The following MPP2 variants were observed in gnomAD, a reference collection of about 807,000 sequenced individuals.
MPP2 encodes MAGUK p55 subfamily member 2.
A neutral mutation model predicts 58.5 loss-of-function variants in MPP2; 42 were observed. The observed-to-expected ratio is 0.72, with a 90% confidence interval of 0.56 to 0.93. The LOEUF (loss-of-function observed/expected upper bound fraction) is 0.93, where lower values mean the gene tolerates loss of function less well. Ranked by LOEUF, MPP2 falls within the 40% of genes least tolerant of loss-of-function variation. The pLI is 0.00. For synonymous variants in MPP2, 300 were observed against 307.8 expected (o/e 0.97, Z 0.26); for missense variants, 632 against 760.4 (o/e 0.83, Z 1.99).
rs1439706969 is a variant in MPP2 at position 43,880,471 on chromosome 17, G to C, written c.1150+220C>G. On this transcript the variant is annotated intron_variant, in intron 10 of 12. Coordinates refer to ENST00000269095, the MANE Select transcript of MPP2 (RefSeq NM_005374.5). The surrounding 1 kb of genome is among the most constrained non-coding windows in gnomAD (Gnocchi z 5.2). ...AACAAGAGAAGGAAAGTGGACGCCAGCCCAGCCCGCTAGGCCACCTGTTGG... is the reference window on the plus strand; with the variant it reads ...AACAAGAGAAGGAAAGTGGACGCCACCCCAGCCCGCTAGGCCACCTGTTGG... Among the ~76,000 whole-genome samples the C allele has an allele frequency of 6.6e-6, 1 of 152,240 alleles. No individual in the cohort carries two copies. The highest frequency in any genetic ancestry group is 1.5e-5 in the Non-Finnish European group (1 of 68,036).
chr17:43,900,642 C>T lies in MPP2; in HGVS notation c.32-2262G>A, dbSNP rs2048056588. ...CAAAGCCTGGCCGGGCTGGGGAAGGCGGGAGTCGAGGAGCGCCCTCTGAGG... is the reference window on the plus strand; with the variant it reads ...CAAAGCCTGGCCGGGCTGGGGAAGGTGGGAGTCGAGGAGCGCCCTCTGAGG... On this transcript the variant is annotated intron_variant, in intron 2 of 12. Transcript: ENST00000269095. 8.3e-6 allele frequency: 12 copies of T among 1,439,428 alleles called. 1 individual carries two copies. The Admixed American group carries it at 1.7e-4, about 20-fold the overall frequency. 89.2% of individuals were successfully genotyped at this position (1,439,428 alleles called of 1,614,324 possible).
Position 43,904,475 on chromosome 17 carries a change from G to A in MPP2, c.-15C>T, listed in dbSNP as rs146406851. ...GCAACCGGCATGGTGAAGGAGGCAA[G>A]GGCTCTGAAACGTCTCTCCTGGAGA... On this transcript the variant is annotated 5_prime_UTR_variant, in exon 2 of 13. Transcript: ENST00000269095. The A allele has an allele frequency of 0.011, 17,883 of 1,613,946 alleles. 115 individuals carry two copies. The highest frequency in any genetic ancestry group is 0.017 in the Middle Eastern group (105 of 6,062).
At chr17:43,885,069 C>T (rs959457814) in intron 3 of MPP2, among the ~76,000 whole-genome samples, 4 of 150,962 alleles carry the variant, frequency 2.6e-5, no homozygotes, top group African/African-American at 9.8e-5. Context: ...TTGCAATGAG[C>T]CGAGATCATG....
chr17:43,880,760 C>A lies in MPP2; in HGVS notation c.1081G>T (p.Val361Leu). Residue 361 changes from valine (V) to leucine (L), a missense_variant, in exon 10 of 13, where the codon GTG (valine) becomes TTG (leucine). Physicochemically the swap from Val to Leu is conservative, Grantham distance 32 (BLOSUM62 1). Coordinates refer to ENST00000269095, the MANE Select transcript of MPP2 (RefSeq NM_005374.5). The surrounding 1 kb of genome is among the most constrained non-coding windows in gnomAD (Gnocchi z 5.2). ...KTLVLIGAQG[V>L]GRRSLKNKLI... ...TTGTTCTTCAGGCTGCGCCGTCCCACGCCCTGAGCCCCAATCAGTACCAGG... is the reference window on the plus strand; with the variant it reads ...TTGTTCTTCAGGCTGCGCCGTCCCAAGCCCTGAGCCCCAATCAGTACCAGG... 2 of 1,614,048 alleles carry A rather than the reference C, an allele frequency of 1.2e-6. No individual in the cohort carries two copies. The highest frequency in any genetic ancestry group is 1.7e-6 in the Non-Finnish European group (2 of 1,179,938).
chr17:43,878,332 A>C (rs2046939324), intron 12 of MPP2, among the ~76,000 whole-genome samples: 1 of 152,242 alleles, frequency 6.6e-6, no homozygotes, highest in African/African-American at 2.4e-5. Flanking sequence ...TCAGTGGCTA[A>C]ACAGGGTCTG....
intron 2 of MPP2, among the ~76,000 whole-genome samples, chr17:43,899,792 C>T (rs74862030): frequency 6.6e-6 from 1 of 152,052 alleles, no homozygotes; most frequent in Non-Finnish European, 1.5e-5. Context: ...CCCCCGAGAC[C>T]TGAGGTGAGG....
intron 3 of MPP2, among the ~76,000 whole-genome samples, chr17:43,888,874 C>T (rs1195319082): frequency 6.6e-6 from 1 of 152,136 alleles, no homozygotes; most frequent in Non-Finnish European, 1.5e-5. Context: ...CCAGAGGAAA[C>T]TTTAAACATT....
chr17:43,900,172 GA>G (rs1431144247), intron 2 of MPP2, among the ~76,000 whole-genome samples: 1 of 152,216 alleles, frequency 6.6e-6, no homozygotes, highest in African/African-American at 2.4e-5. Context: ...TTGCCCTTCA[GA>G]CCCCTCTTGC....
Position 43,879,517 on chromosome 17 carries a change from AGGGTGCCCGG to A in MPP2, c.1354-124_1354-115del. ...TGAGCACTTGGGAGTGGATGAGAAA[AGGGTGCCCGG>A]GGGTCTGGGACATGAGTCCTGGGAC... On this transcript the variant is annotated intron_variant, in intron 11 of 12. Coordinates refer to ENST00000269095, the MANE Select transcript of MPP2 (RefSeq NM_005374.5). The surrounding 1 kb of genome is among the most constrained non-coding windows in gnomAD (Gnocchi z 4.1). The A allele has an allele frequency of 7.3e-7, 1 of 1,373,834 alleles. No homozygotes were observed. The highest frequency in any genetic ancestry group is 1.9e-5 in the Admixed American group (1 of 53,382). 85.1% of individuals were successfully genotyped at this position (1,373,834 alleles called of 1,614,324 possible). A position where few individuals can be genotyped will look rare whatever the true frequency, so the allele number is the denominator to read the frequency against.
chr17:43,883,643 C>T (rs1317876527), intron 3 of MPP2, among the ~76,000 whole-genome samples: 1 of 152,190 alleles, frequency 6.6e-6, no homozygotes, highest in African/African-American at 2.4e-5. Flanking sequence ...ACCAAATTGT[C>T]CCCAGCTCCC....
intron 2 of MPP2, among the ~76,000 whole-genome samples, chr17:43,900,017 C>T (rs1846729606): frequency 6.6e-6 from 1 of 152,206 alleles, no homozygotes; most frequent in African/African-American, 2.4e-5. Flanking sequence ...ATGCTCTTGT[C>T]AGTGCCCCCC....
chr17:43,887,050 C>CA (rs35016242), intron 3 of MPP2, among the ~76,000 whole-genome samples: 6,066 of 141,886 alleles, frequency 0.043, 444 homozygotes, highest in African/African-American at 0.15. Context: ...TTTTTGCATG[C>CA]AAAAAAAAAA....
chr17:43,883,480 C>T (rs2047237942), intron 3 of MPP2, 125 bp from the exon 4 acceptor site: 1 of 1,053,790 alleles, frequency 9.5e-7, no homozygotes, highest in Non-Finnish European at 1.3e-6. Flanking sequence ...AGCTTCAGCT[C>T]CTCACTCACT....
intron 1 of MPP2, among the ~76,000 whole-genome samples, chr17:43,906,861 G>A (rs147650784): frequency 0.014 from 1,032 of 74,652 alleles, 7 homozygotes; most frequent in Non-Finnish European, 0.021. Context: ...TATCCGCACC[G>A]CCCCCCCCTT....
intron 3 of MPP2, among the ~76,000 whole-genome samples, chr17:43,889,893 A>G (rs1174529863): frequency 1.4e-5 from 2 of 144,026 alleles, no homozygotes; most frequent in Non-Finnish European, 3.0e-5. Context: ...GCTCACTGCA[A>G]CCTCCGTCTC....
intron 2 of MPP2, chr17:43,900,387 C>G: frequency 1.3e-6 from 2 of 1,492,616 alleles, no homozygotes; most frequent in Non-Finnish European, 1.8e-6. Flanking sequence ...CCCAGGCCAC[C>G]CTCCCCAGAT....
chr17:43,883,142 A>G, intron 4 of MPP2, 61 bp downstream of exon 4: 1 of 1,557,468 alleles, frequency 6.4e-7, no homozygotes. Flanking sequence ...CCCATCCAAC[A>G]GCAGCATGCC....
intron 2 of MPP2, chr17:43,900,443 C>CA: frequency 6.5e-7 from 1 of 1,546,078 alleles, no homozygotes. Context: ...CCAGCTGCCC[C>CA]GCCCCCATCT....
At chr17:43,887,376 C>T (rs1012690871) in intron 3 of MPP2, among the ~76,000 whole-genome samples, 4 of 151,928 alleles carry the variant, frequency 2.6e-5, no homozygotes, top group African/African-American at 9.7e-5. Context: ...AGAGCAAGAC[C>T]CTGGCTCAAA....
Sources: gnomAD v4.1 joint callset for allele counts (sites outside exome capture counted in the v4.1 genomes callset) on GRCh38, gnomAD v4.1.1 for gene constraint, Gnocchi (gnomAD v3.1) non-coding constraint, MANE v1.5 for transcripts, NCBI Gene and HGNC (gene_info 2026-07-23, HGNC 2026-07-21) for gene names.